Variants in SH3KBP1 observed in about 807,000 individuals in gnomAD.
SH3KBP1 encodes SH3 domain containing kinase binding protein 1.
In SH3KBP1, 8 loss-of-function variants were observed where a neutral mutation model predicts 50.1. The ratio of observed to expected loss-of-function variants is 0.16; its 90% confidence interval spans 0.09 to 0.29. The LOEUF (loss-of-function observed/expected upper bound fraction) is 0.29. SH3KBP1 is among the 10% of genes least tolerant of loss of function. The pLI is 1.00. For missense variants in SH3KBP1, 377 were observed against 535.2 expected (o/e 0.70, Z 2.92); for synonymous variants, 227 against 218.6 (o/e 1.04, Z -0.34).
chrX:19,727,138 T>C (rs2064242711), intron 3 of SH3KBP1, among the ~76,000 whole-genome samples: 1 of 112,095 alleles, frequency 8.9e-6, no homozygotes, highest in South Asian at 3.7e-4. Flanking sequence ...TTATTCTTGA[T>C]CCTTTTTTAT....
intron 3 of SH3KBP1, among the ~76,000 whole-genome samples, chrX:19,724,259 G>C (rs1014333378): frequency 9.0e-6 from 1 of 111,481 alleles, no homozygotes; most frequent in African/African-American, 3.3e-5. Context: ...AATAGAGAAA[G>C]AGCAGAGAAA....
At chrX:19,681,741 G>A (rs73459683) in intron 6 of SH3KBP1, among the ~76,000 whole-genome samples, 2,627 of 111,461 alleles carry the variant, frequency 0.024, 81 homozygotes, top group African/African-American at 0.081. Flanking sequence ...GACCCAGAAC[G>A]AAGAAAGTGA....
intron 6 of SH3KBP1, among the ~76,000 whole-genome samples, chrX:19,678,680 T>C (rs1306096659): frequency 9.0e-6 from 1 of 111,477 alleles, no homozygotes; most frequent in African/African-American, 3.3e-5. Context: ...TCTAATTAAT[T>C]AACTGGTTTA....
intron 2 of SH3KBP1, among the ~76,000 whole-genome samples, chrX:19,815,203 A>G (rs949593653): frequency 8.9e-6 from 1 of 111,832 alleles, no homozygotes; most frequent in Non-Finnish European, 1.9e-5. Flanking sequence ...GAGACTCACA[A>G]TCAGAGATAA....
chrX:19,595,593 T>TG (rs2066880771), intron 9 of SH3KBP1, among the ~76,000 whole-genome samples: 1 of 110,527 alleles, frequency 9.0e-6, no homozygotes. Flanking sequence ...TTGGTTTGTT[T>TG]TTTTTTTTTT....
chrX:19,736,013 C>T (rs1335968163), intron 3 of SH3KBP1, among the ~76,000 whole-genome samples: 1 of 111,618 alleles, frequency 9.0e-6, no homozygotes, highest in Non-Finnish European at 1.9e-5. Flanking sequence ...CGTGAGCCAC[C>T]GCACCTGGCC....
intron 2 of SH3KBP1, among the ~76,000 whole-genome samples, chrX:19,796,535 C>T (rs1215099758): frequency 8.9e-6 from 1 of 111,814 alleles, no homozygotes; most frequent in Non-Finnish European, 1.9e-5. Flanking sequence ...GTCGAGACCT[C>T]ACTAACATCT....
At chrX:19,611,326 T>G (rs1017731349) in intron 8 of SH3KBP1, among the ~76,000 whole-genome samples, 24 of 111,072 alleles carry the variant, frequency 2.2e-4, no homozygotes, top group African/African-American at 6.5e-4. Context: ...ATAACTTTGG[T>G]TTTTTTTGTG....
chrX:19,569,994 G>A (rs2065958569), intron 12 of SH3KBP1, among the ~76,000 whole-genome samples: 1 of 112,386 alleles, frequency 8.9e-6, no homozygotes, highest in African/African-American at 3.2e-5. Flanking sequence ...AAATGAGAGA[G>A]AGAAGCTGAG....
intron 1 of SH3KBP1, among the ~76,000 whole-genome samples, chrX:19,871,893 G>C (rs760596225): frequency 9.0e-6 from 1 of 110,920 alleles, no homozygotes; most frequent in East Asian, 2.8e-4. Flanking sequence ...GGATGGCTCA[G>C]GGCCTTCAGG....
intron 2 of SH3KBP1, among the ~76,000 whole-genome samples, chrX:19,778,775 T>C (rs774717841): frequency 1.8e-5 from 2 of 110,347 alleles, no homozygotes; most frequent in African/African-American, 3.3e-5. Flanking sequence ...GAGTGACACA[T>C]TGGGCTGCTT....
chrX:19,874,956 A>T (rs188302883), intron 1 of SH3KBP1, among the ~76,000 whole-genome samples: 60 of 96,548 alleles, frequency 6.2e-4, no homozygotes, highest in African/African-American at 2.2e-3. Context: ...GAGAAAAGGT[A>T]GGGGGAGAGA....
At chrX:19,873,567 G>A in intron 1 of SH3KBP1, among the ~76,000 whole-genome samples, 1 of 106,626 alleles carries the variant, frequency 9.4e-6, no homozygotes, top group Non-Finnish European at 1.9e-5. Context: ...AGCTACTCGA[G>A]AGGCTAAGGC....
chrX:19,872,515 T>C (rs1400104952), intron 1 of SH3KBP1, among the ~76,000 whole-genome samples: 1 of 110,000 alleles, frequency 9.1e-6, no homozygotes, highest in Non-Finnish European at 1.9e-5. Flanking sequence ...CTCACGCCTG[T>C]AATCCCAGTA....
intron 3 of SH3KBP1, among the ~76,000 whole-genome samples, chrX:19,742,829 T>G (rs991952376): frequency 8.9e-6 from 1 of 112,204 alleles, no homozygotes; most frequent in African/African-American, 3.2e-5. Flanking sequence ...TTTTCACATT[T>G]TCTGGCTTAA....
intron 1 of SH3KBP1, among the ~76,000 whole-genome samples, chrX:19,885,598 T>C (rs773821890): frequency 9.0e-6 from 1 of 110,572 alleles, no homozygotes; most frequent in Non-Finnish European, 1.9e-5. Flanking sequence ...AGTCCCCTTC[T>C]CATTGAGATA....
intron 2 of SH3KBP1, among the ~76,000 whole-genome samples, chrX:19,817,528 C>T (rs1456600011): frequency 8.9e-6 from 1 of 112,481 alleles, no homozygotes; most frequent in Non-Finnish European, 1.9e-5. Flanking sequence ...TCATATGCTA[C>T]ATAACATTGT....
Position 19,670,984 on chromosome X carries a change from A to G in SH3KBP1, c.726+12839T>C. 3 of 1,089,485 alleles carry G rather than the reference A, an allele frequency of 2.8e-6. No individual in the cohort carries two copies. The South Asian group carries it at 7.9e-5, about 29-fold the overall frequency. The allele number at this position is 1,089,485 out of a possible 1,213,427, so 89.8% of individuals were successfully genotyped here. A position where few individuals can be genotyped will look rare whatever the true frequency, so the allele number is the denominator to read the frequency against. On this transcript the variant is annotated intron_variant, in intron 6 of 17. Coordinates refer to ENST00000397821, the MANE Select transcript of SH3KBP1 (RefSeq NM_031892.3). ...TGAGGACCCAGCCTAACCCTGAGTC[A>G]TACTTGGGACCAAATGAGGAATGGG... is the stretch of plus-strand genomic sequence containing the variant.
In SH3KBP1 at chrX:19,542,097, G is replaced by T. The variant is rs767654497; in HGVS notation, c.1720C>A (p.Leu574Met). ...APLSSAAPSP[L>M]SSSLGTAGHR... ...CCAGCTGTTCCCAAAGAGGATGACA[G>T]GGGGGAGGGCGCCGCTGAGGACAGA... is the stretch of plus-strand genomic sequence containing the variant. The change falls in exon 16 of 18, where the codon CTG becomes ATG. Residue 574 changes from leucine (L) to methionine (M), a missense_variant. Transcript: ENST00000397821. 2.2e-5 allele frequency: 27 copies of T among 1,209,373 alleles called. No homozygotes were observed. Among genetic ancestry groups the T allele is most frequent in the Non-Finnish European group, 2.2e-6 (2 of 894,714 alleles).
Sources: allele counts gnomAD v4.1 joint callset (sites outside exome capture counted in the v4.1 genomes callset), GRCh38; gene constraint gnomAD v4.1.1; transcripts MANE v1.5; gene names NCBI Gene and HGNC (gene_info 2026-07-23, HGNC 2026-07-21).